FHIT: variants seen among roughly 807,000 people sequenced by gnomAD.
FHIT encodes the protein bis(5'-adenosyl)-triphosphatase.
In FHIT, 19 loss-of-function variants were observed where a neutral mutation model predicts 17.9. The observed-to-expected ratio is 1.06, with a 90% CI of 0.74 to 1.56. The LOEUF (loss-of-function observed/expected upper bound fraction) is 1.56, where lower values mean the gene tolerates loss of function less well. FHIT is among the 40% of genes most tolerant of loss of function. FHIT has a pLI of 0.00. For missense variants in FHIT, 248 were observed against 189.2 expected (o/e 1.31, Z -1.82); for synonymous variants, 81 against 69.7 (o/e 1.16, Z -0.81).
intron 5 of FHIT, among the ~76,000 whole-genome samples, chr3:60,115,095 G>A (rs978700967): frequency 1.3e-5 from 2 of 151,986 alleles, no homozygotes; most frequent in African/African-American, 4.8e-5. Flanking sequence ...ATTATACACA[G>A]AAGAAACTTT....
chr3:60,850,058 C>G (rs527516341), intron 3 of FHIT, among the ~76,000 whole-genome samples: 1 of 152,014 alleles, frequency 6.6e-6, no homozygotes, highest in African/African-American at 2.4e-5. Context: ...TATCTCAACA[C>G]TTTCATTCTT....
chr3:60,423,490 T>C (rs1392617612), intron 5 of FHIT, among the ~76,000 whole-genome samples: 1 of 152,120 alleles, frequency 6.6e-6, no homozygotes, highest in East Asian at 1.9e-4. Flanking sequence ...GTGAGGTTTT[T>C]TTCTGATTGA....
chr3:59,882,121 C>A (rs1344032361), intron 8 of FHIT, among the ~76,000 whole-genome samples: 2 of 151,648 alleles, frequency 1.3e-5, no homozygotes, highest in Non-Finnish European at 2.9e-5. Flanking sequence ...TACTTTCAGG[C>A]ACAGACATGC....
At chr3:60,673,866 G>A (rs1027570399) in intron 4 of FHIT, among the ~76,000 whole-genome samples, 8 of 151,922 alleles carry the variant, frequency 5.3e-5, no homozygotes, top group African/African-American at 1.7e-4. Context: ...TCAGTTGGCC[G>A]TCATACATCC....
At chr3:59,995,156 G>A (rs1699454216) in intron 7 of FHIT, among the ~76,000 whole-genome samples, 1 of 151,744 alleles carries the variant, frequency 6.6e-6, no homozygotes, top group Non-Finnish European at 1.5e-5. Context: ...GTACAAATCT[G>A]CTGCTGCAAC....
chr3:61,023,410 C>T (rs2032563089), intron 3 of FHIT, among the ~76,000 whole-genome samples: 4 of 152,114 alleles, frequency 2.6e-5, no homozygotes, highest in Admixed American at 1.3e-4. Flanking sequence ...TGAAAATGGC[C>T]ATACTGCCCA....
At chr3:60,820,286 C>T (rs6777641) in intron 4 of FHIT, among the ~76,000 whole-genome samples, 1,679 of 152,148 alleles carry the variant, frequency 0.011, 20 homozygotes, top group African/African-American at 0.038. Context: ...CCAGCCTGGG[C>T]GACAGCGAGA....
intron 7 of FHIT, among the ~76,000 whole-genome samples, chr3:59,998,732 G>C (rs182797874): frequency 6.6e-6 from 1 of 152,238 alleles, no homozygotes; most frequent in Admixed American, 6.5e-5. Context: ...ACCTGAGAAA[G>C]TCATTCCTTG....
intron 5 of FHIT, among the ~76,000 whole-genome samples, chr3:60,474,590 T>A (rs979217970): frequency 8.1e-4 from 123 of 152,206 alleles, no homozygotes; most frequent in African/African-American, 2.9e-3. Flanking sequence ...CTTAGGAGGC[T>A]CATTTTCACA....
At chr3:60,545,701 G>T (rs1275319472) in intron 4 of FHIT, among the ~76,000 whole-genome samples, 1 of 152,144 alleles carries the variant, frequency 6.6e-6, no homozygotes, top group Non-Finnish European at 1.5e-5. Context: ...TAGCACTGTT[G>T]TTAAGAGAAC....
chr3:59,845,182 C>T (rs1428962398), intron 8 of FHIT, among the ~76,000 whole-genome samples: 1 of 151,668 alleles, frequency 6.6e-6, no homozygotes, highest in Non-Finnish European at 1.5e-5. Context: ...GGTTTTTTTT[C>T]TTAGTCTAGC....
chr3:60,339,987 A>G (rs1448370927), intron 5 of FHIT, among the ~76,000 whole-genome samples: 1 of 152,056 alleles, frequency 6.6e-6, no homozygotes, highest in Non-Finnish European at 1.5e-5. Flanking sequence ...GGGTTTTGAC[A>G]CCTCTGGTTT....
chr3:59,817,832 A>G (rs2106639846), intron 8 of FHIT, among the ~76,000 whole-genome samples: 1 of 152,286 alleles, frequency 6.6e-6, no homozygotes. Flanking sequence ...TGCTAGCAAG[A>G]AATGAGCTGC....
chr3:60,374,798 T>C (rs1700478962), intron 5 of FHIT, among the ~76,000 whole-genome samples: 4 of 152,070 alleles, frequency 2.6e-5, no homozygotes, highest in Admixed American at 6.6e-5. Context: ...GTGATAATAG[T>C]TGTGTGGCTG....
chr3:59,900,131 C>G (rs1487501848), intron 8 of FHIT, among the ~76,000 whole-genome samples: 1 of 152,184 alleles, frequency 6.6e-6, no homozygotes, highest in Non-Finnish European at 1.5e-5. Context: ...AAGCATGAAG[C>G]AGCCTGTTGG....
intron 6 of FHIT, 59 bp downstream of exon 6, chr3:60,013,948 G>A: frequency 1.3e-6 from 2 of 1,542,216 alleles, no homozygotes; most frequent in Admixed American, 1.7e-5. Context: ...GGAGGAGCAA[G>A]CCCAATGCCG....
chr3:60,507,490 T>C (rs1385024011), intron 5 of FHIT, among the ~76,000 whole-genome samples: 1 of 152,218 alleles, frequency 6.6e-6, no homozygotes, highest in Non-Finnish European at 1.5e-5. Context: ...TGTTTCATTT[T>C]GTTTTTTTAC....
At chr3:60,842,403 TA>T (rs1184316567) in intron 3 of FHIT, among the ~76,000 whole-genome samples, 1 of 151,606 alleles carries the variant, frequency 6.6e-6, no homozygotes, top group Non-Finnish European at 1.5e-5. Flanking sequence ...AATGACACCC[TA>T]AAACATGCTC....
chr3:60,569,585 C>T (rs1016669204), intron 4 of FHIT, among the ~76,000 whole-genome samples: 11 of 151,494 alleles, frequency 7.3e-5, no homozygotes, highest in South Asian at 4.2e-4. Flanking sequence ...AGTGTCAGAA[C>T]GCCTGGGTTC....
Sources: gnomAD v4.1 joint callset for allele counts (sites outside exome capture counted in the v4.1 genomes callset) on GRCh38, gnomAD v4.1.1 for gene constraint, MANE v1.5 for transcripts, NCBI Gene and HGNC (gene_info 2026-07-23, HGNC 2026-07-21) for gene names.